Variants in CSMD1 observed in about 807,000 individuals in gnomAD.
CSMD1 encodes the protein CUB and sushi domain-containing protein 1.
CSMD1 carries 213 observed loss-of-function variants against 417.5 expected under a neutral mutation model. The ratio of observed to expected loss-of-function variants is 0.51; its 90% CI spans 0.46 to 0.57. The LOEUF (loss-of-function observed/expected upper bound fraction) is 0.57, where lower values mean the gene tolerates loss of function less well. CSMD1 is among the 20% of genes least tolerant of loss of function. The pLI, the probability that CSMD1 is intolerant of heterozygous loss-of-function variation, is 0.00. For synonymous variants in CSMD1, 2,862 were observed against 1,736.8 expected (o/e 1.65, Z -16.11); for missense variants, 6,923 against 4,529.7 (o/e 1.53, Z -15.17).
At chr8:3,076,231 A>G (rs907153459) in intron 49 of CSMD1, among the ~76,000 whole-genome samples, 5 of 114,770 alleles carry the variant, frequency 4.4e-5, no homozygotes, top group East Asian at 4.1e-4. Flanking sequence ...GCCTGACCCT[A>G]TCTCCTTTGT....
chr8:4,499,204 A>G (rs1438753427), intron 2 of CSMD1, among the ~76,000 whole-genome samples: 1 of 152,218 alleles, frequency 6.6e-6, no homozygotes, highest in Non-Finnish European at 1.5e-5. Context: ...GGAGCCTCAG[A>G]AAGACTTCAC....
intron 3 of CSMD1, among the ~76,000 whole-genome samples, chr8:4,335,982 G>A (rs1227126519): frequency 6.6e-6 from 1 of 152,240 alleles, no homozygotes; most frequent in East Asian, 1.9e-4. Flanking sequence ...AGACTATAGG[G>A]TCAGCCCCGC....
At chr8:3,309,980 T>C (rs2117405230) in intron 23 of CSMD1, among the ~76,000 whole-genome samples, 1 of 152,202 alleles carries the variant, frequency 6.6e-6, no homozygotes, top group East Asian at 1.9e-4. Flanking sequence ...CATTATTATT[T>C]TTACGATAAC....
chr8:3,789,841 C>G (rs1400248349), intron 5 of CSMD1, among the ~76,000 whole-genome samples: 2 of 151,014 alleles, frequency 1.3e-5, no homozygotes, highest in Admixed American at 6.6e-5. Context: ...GCACCATTCT[C>G]CTGCCTCAGC....
chr8:4,764,507 G>A (rs1812315782), intron 1 of CSMD1, among the ~76,000 whole-genome samples: 1 of 151,930 alleles, frequency 6.6e-6, no homozygotes, highest in Non-Finnish European at 1.5e-5. Flanking sequence ...AGTATTCCAA[G>A]GAATGGAATT....
intron 10 of CSMD1, among the ~76,000 whole-genome samples, chr8:3,565,447 C>G (rs78803048): frequency 1.3e-5 from 2 of 152,116 alleles, no homozygotes; most frequent in African/African-American, 4.8e-5. Flanking sequence ...TCCACCAATC[C>G]GTGAATCGCC....
At chr8:3,103,268 A>G (rs187541727) in intron 46 of CSMD1, among the ~76,000 whole-genome samples, 10 of 152,000 alleles carry the variant, frequency 6.6e-5, no homozygotes, top group Admixed American at 3.3e-4. Context: ...AGAAATAAAA[A>G]CTCTCTTCCT....
chr8:3,824,144 C>A (rs555722414), intron 5 of CSMD1, among the ~76,000 whole-genome samples: 1 of 151,828 alleles, frequency 6.6e-6, no homozygotes, highest in Admixed American at 6.6e-5. Context: ...ATTCACCAGC[C>A]GAGTCAAACA....
Position 4,107,061 on chromosome 8 carries a change from G to C in CSMD1, c.416-74962C>G, listed in dbSNP as rs546021483. On this transcript the variant is annotated intron_variant, in intron 3 of 69. Coordinates refer to ENST00000635120, the MANE Select transcript of CSMD1 (RefSeq NM_033225.6). ...TATCACGCGGCACATCTCCAAGCAG[G>C]CATCCATGTCAACGACAACATGAAC... 4.6e-5 allele frequency among the ~76,000 whole-genome samples: 7 copies of C among 152,222 alleles called. No individual in the cohort carries two copies. In the East Asian group the frequency reaches 1.4e-3, roughly 29 times the overall value.
chr8:4,481,577 T>G (rs1011104476), intron 2 of CSMD1, among the ~76,000 whole-genome samples: 2 of 152,204 alleles, frequency 1.3e-5, no homozygotes, highest in Non-Finnish European at 2.9e-5. Context: ...AGCTAATATT[T>G]TTCACGTGTG....
chr8:4,952,437 C>T (rs1445406241), intron 1 of CSMD1, among the ~76,000 whole-genome samples: 1 of 152,090 alleles, frequency 6.6e-6, no homozygotes, highest in South Asian at 2.1e-4. Context: ...GTGAGTCATA[C>T]TTACTGGATT....
chr8:3,789,628 C>T (rs1799623245), intron 5 of CSMD1, among the ~76,000 whole-genome samples: 1 of 151,108 alleles, frequency 6.6e-6, no homozygotes, highest in Non-Finnish European at 1.5e-5. Flanking sequence ...TCTTTAAGTC[C>T]TCTAAAAAAT....
At chr8:3,768,530 TAAGA>T (rs1294359385) in intron 5 of CSMD1, among the ~76,000 whole-genome samples, 1 of 152,206 alleles carries the variant, frequency 6.6e-6, no homozygotes, top group Non-Finnish European at 1.5e-5. Flanking sequence ...AGACAATTTA[TAAGA>T]AAGTCCAAAT....
At chr8:4,278,514 A>T (rs918668892) in intron 3 of CSMD1, among the ~76,000 whole-genome samples, 1 of 152,240 alleles carries the variant, frequency 6.6e-6, no homozygotes, top group Non-Finnish European at 1.5e-5. Context: ...AGTAATTGTG[A>T]GTTTTACCAT....
At chr8:3,008,935 G>C (rs1424265803) in intron 52 of CSMD1, among the ~76,000 whole-genome samples, 1 of 152,152 alleles carries the variant, frequency 6.6e-6, no homozygotes, top group South Asian at 2.1e-4. Context: ...GTACAGCAAG[G>C]TGAGAGTCTC....
chr8:3,254,728 C>G (rs758980109), intron 26 of CSMD1, among the ~76,000 whole-genome samples: 1 of 152,164 alleles, frequency 6.6e-6, no homozygotes, highest in African/African-American at 2.4e-5. Context: ...CCGTCAGGTC[C>G]TTTAAGGACT....
At chr8:3,886,714 T>C (rs568795792) in intron 5 of CSMD1, among the ~76,000 whole-genome samples, 35 of 152,312 alleles carry the variant, frequency 2.3e-4, no homozygotes, top group Admixed American at 2.3e-3. Context: ...GAAGTCTTAA[T>C]CTAGTGCCTC....
chr8:4,889,596 G>GA lies in CSMD1; in HGVS notation c.85+104735dup, dbSNP rs537904009. Among the ~76,000 whole-genome samples the GA allele has an allele frequency of 1.3e-4, 20 of 151,648 alleles. No individual in the cohort carries two copies. In the South Asian group the frequency reaches 1.7e-3, roughly 13 times the overall value. On this transcript the variant is annotated intron_variant, in intron 1 of 69. Transcript: ENST00000635120. ...ATAAGTGTGAAATGTCAAAAAAATA[G>GA]AAAAAAAACCATAATGACTGGCTTA... is the stretch of plus-strand genomic sequence containing the variant.
At chr8:3,406,941 G>T (rs1373221013) in intron 14 of CSMD1, among the ~76,000 whole-genome samples, 1 of 152,118 alleles carries the variant, frequency 6.6e-6, no homozygotes, top group Non-Finnish European at 1.5e-5. Flanking sequence ...ATATTACACA[G>T]TTGTTTTTAC....
Sources: allele counts gnomAD v4.1 joint callset (sites outside exome capture counted in the v4.1 genomes callset), GRCh38; gene constraint gnomAD v4.1.1; transcripts MANE v1.5; gene names NCBI Gene and HGNC (gene_info 2026-07-23, HGNC 2026-07-21).